Variants in VAC14 observed in about 807,000 individuals in gnomAD.
The protein encoded by VAC14 is VAC14 component of PIKFYVE complex, also known as protein VAC14 homolog.
VAC14 carries 47 observed loss-of-function variants against 85.3 expected under a neutral mutation model. The ratio of observed to expected loss-of-function variants is 0.55; its 90% CI spans 0.44 to 0.70. The LOEUF is 0.70. VAC14 is among the 30% of genes least tolerant of loss of function. The pLI, the probability that VAC14 is intolerant of heterozygous loss-of-function variation, is 0.00. For missense variants in VAC14, 861 were observed against 1,004.3 expected (o/e 0.86, Z 1.93); for synonymous variants, 447 against 430.5 (o/e 1.04, Z -0.47).
intron 13 of VAC14, among the ~76,000 whole-genome samples, chr16:70,735,445 G>T (rs2054720326): frequency 6.6e-6 from 1 of 152,206 alleles, no homozygotes; most frequent in South Asian, 2.1e-4. Context: ...GGAGGCGTCT[G>T]GACAGACTGA....
chr16:70,697,388 C>T (rs1456313635), intron 15 of VAC14, 131 bp from the exon 16 acceptor site: 7 of 663,398 alleles, frequency 1.1e-5, no homozygotes, highest in Admixed American at 2.8e-5. Flanking sequence ...CCAGAGCCAG[C>T]TTAGCACCCC....
intron 14 of VAC14, among the ~76,000 whole-genome samples, chr16:70,722,987 G>C (rs557124798): frequency 9.2e-5 from 14 of 152,198 alleles, no homozygotes; most frequent in African/African-American, 3.4e-4. Flanking sequence ...AGGCTGGGGT[G>C]GGTGGATCAC....
intron 12 of VAC14, among the ~76,000 whole-genome samples, chr16:70,754,446 C>G (rs1170748973): frequency 6.6e-6 from 1 of 152,212 alleles, no homozygotes; most frequent in African/African-American, 2.4e-5. Context: ...AGGAGGAAGG[C>G]TCAGGGCCGT....
chr16:70,800,492 C>T (rs1426268268), intron 1 of VAC14, among the ~76,000 whole-genome samples: 1 of 152,220 alleles, frequency 6.6e-6, no homozygotes, highest in Non-Finnish European at 1.5e-5. Context: ...TTGGGTGGCA[C>T]CGCACCGAAG....
chr16:70,778,659 T>G (rs1451501985), intron 9 of VAC14: 1 of 152,206 alleles, frequency 6.6e-6, no homozygotes, highest in Non-Finnish European at 1.5e-5. Context: ...ATTTTCTGAC[T>G]ATGGATTAAG....
intron 8 of VAC14, among the ~76,000 whole-genome samples, 163 bp from the exon 9 acceptor site, chr16:70,781,102 T>C (rs981426273): frequency 3.9e-5 from 6 of 152,338 alleles, no homozygotes; most frequent in African/African-American, 1.4e-4. Flanking sequence ...CCCATGGTAC[T>C]GAGCGAGTTG....
chr16:70,762,708 G>C lies in VAC14; in HGVS notation c.1306-103C>G. 2 of 1,483,706 alleles carry C rather than the reference G, an allele frequency of 1.3e-6. No homozygotes were observed. The highest frequency in any genetic ancestry group is 1.9e-6 in the Non-Finnish European group (2 of 1,077,742). 91.9% of individuals were successfully genotyped at this position (1,483,706 alleles called of 1,614,324 possible). On this transcript the variant is annotated intron_variant, in intron 11 of 18. Coordinates refer to ENST00000261776, the MANE Select transcript of VAC14 (RefSeq NM_018052.5). The surrounding 1 kb of genome is among the most constrained non-coding windows in gnomAD (Gnocchi z 4.1). Reference sequence around the variant, plus strand: ...TGTGCACGGACCCACTGGTCTGCACGGACCACTTCCCTCCCCGACACAATG... The same window carrying C: ...TGTGCACGGACCCACTGGTCTGCACCGACCACTTCCCTCCCCGACACAATG...
chr16:70,701,011 G>A (rs1043940542), intron 14 of VAC14, among the ~76,000 whole-genome samples: 10 of 152,282 alleles, frequency 6.6e-5, no homozygotes, highest in African/African-American at 9.6e-5. Context: ...GAGGAGAAGC[G>A]GGCACCCAGA....
intron 14 of VAC14, among the ~76,000 whole-genome samples, chr16:70,705,547 A>G (rs2053904760): frequency 6.6e-6 from 1 of 152,228 alleles, no homozygotes; most frequent in African/African-American, 2.4e-5. Flanking sequence ...ATCCCAAACA[A>G]TAAGCCACCA....
At chr16:70,783,169 G>A in intron 6 of VAC14, 30 bp from the exon 7 acceptor site, 1 of 1,604,912 alleles carries the variant, frequency 6.2e-7, no homozygotes, top group Non-Finnish European at 8.5e-7. Flanking sequence ...AGTGGAAACA[G>A]CGAGGGTCAG....
chr16:70,699,317 C>T (rs1047646236), intron 14 of VAC14: 5 of 167,318 alleles, frequency 3.0e-5, no homozygotes, highest in African/African-American at 9.5e-5. Context: ...TTGCACTGTT[C>T]GGGCTGTACC....
rs1435391178 is a variant in VAC14, at chr16:70,780,947, C to T, written c.947-8G>A. 3 of 1,614,038 alleles carry T rather than the reference C, an allele frequency of 1.9e-6. No homozygotes were observed. The highest frequency in any genetic ancestry group is 2.5e-6 in the Non-Finnish European group (3 of 1,180,006). On this transcript the variant is annotated splice_region_variant and splice_polypyrimidine_tract_variant and intron_variant, in intron 8 of 18. Coordinates refer to ENST00000261776, the MANE Select transcript of VAC14 (RefSeq NM_018052.5). ...TGGCCACTTCTTTGATGCCTGAGTC[C>T]ACTGATGTAAGGAGCGTGATCTGAT...
rs761751567 is a variant in VAC14 at position 70,698,631 on chromosome 16, G to A, written c.1836+6C>T. The A allele has an allele frequency of 1.9e-6, 3 of 1,613,858 alleles. No individual in the cohort carries two copies. The highest frequency in any genetic ancestry group is 2.7e-5 in the African/African-American group (2 of 74,948). ...GCCTGAGGATGGAGTCCCGGACGCA[G>A]CCTACCAGGGTCTTCAGGTCCTTCA... On this transcript the variant is annotated splice_donor_region_variant and intron_variant, in intron 15 of 18. Transcript: ENST00000261776.
chr16:70,749,617 C>T (rs1000596487), intron 12 of VAC14, among the ~76,000 whole-genome samples: 8 of 152,206 alleles, frequency 5.3e-5, no homozygotes, highest in East Asian at 1.9e-4. Flanking sequence ...AGCAGGACCC[C>T]GAAACAGCAT....
At chr16:70,692,428 GC>G (rs1164790585) in intron 18 of VAC14, among the ~76,000 whole-genome samples, 1 of 152,126 alleles carries the variant, frequency 6.6e-6, no homozygotes, top group Non-Finnish European at 1.5e-5. Flanking sequence ...AGCACAGACA[GC>G]CACTGGGGCC....
intron 14 of VAC14, among the ~76,000 whole-genome samples, chr16:70,728,906 T>C (rs1339716810): frequency 2.0e-5 from 3 of 152,224 alleles, no homozygotes; most frequent in African/African-American, 4.8e-5. Flanking sequence ...AACATTCCGC[T>C]GCTTTCCTGG....
At chr16:70,777,671 G>A (rs2033590511) in intron 9 of VAC14, among the ~76,000 whole-genome samples, 2 of 152,250 alleles carry the variant, frequency 1.3e-5, no homozygotes, top group East Asian at 1.9e-4. Context: ...TGGAGGTCCT[G>A]TGGTTAGAGG....
chr16:70,697,870 C>T (rs552278840), intron 15 of VAC14, among the ~76,000 whole-genome samples: 14 of 152,280 alleles, frequency 9.2e-5, no homozygotes, highest in African/African-American at 2.9e-4. Context: ...TGGATATCCC[C>T]GAGGCTCCTG....
intron 1 of VAC14, among the ~76,000 whole-genome samples, 158 bp downstream of exon 1, chr16:70,800,639 C>G (rs1216702546): frequency 6.6e-6 from 1 of 152,234 alleles, no homozygotes. Flanking sequence ...AAAGCAGGGA[C>G]TCCCAGATAT....
Sources: allele counts gnomAD v4.1 joint callset (sites outside exome capture counted in the v4.1 genomes callset), GRCh38; gene constraint gnomAD v4.1.1; non-coding constraint Gnocchi (gnomAD v3.1); transcripts MANE v1.5; gene names NCBI Gene and HGNC (gene_info 2026-07-23, HGNC 2026-07-21).